CSMD1: variants seen among roughly 807,000 people sequenced by gnomAD.
CSMD1 encodes CUB and Sushi multiple domains 1, also known as CUB and sushi domain-containing protein 1.
In CSMD1, 213 loss-of-function variants were observed where a neutral mutation model predicts 417.5. That is an observed-to-expected ratio of 0.51 (90% CI 0.46 to 0.57). The LOEUF (loss-of-function observed/expected upper bound fraction) is 0.57. CSMD1 is among the 20% of genes least tolerant of loss of function. The pLI is 0.00. For synonymous variants in CSMD1, 2,862 were observed against 1,736.8 expected (o/e 1.65, Z -16.11); for missense variants, 6,923 against 4,529.7 (o/e 1.53, Z -15.17).
chr8:4,728,394 G>A (rs1809615270), intron 1 of CSMD1, among the ~76,000 whole-genome samples: 1 of 151,964 alleles, frequency 6.6e-6, no homozygotes, highest in South Asian at 2.1e-4. Flanking sequence ...ATTTAGGGGA[G>A]TTTAGTTTGG....
chr8:4,070,565 G>C (rs868702410), intron 3 of CSMD1, among the ~76,000 whole-genome samples: 7 of 152,048 alleles, frequency 4.6e-5, no homozygotes, highest in African/African-American at 1.7e-4. Flanking sequence ...CACCGTGTTA[G>C]CCAGGATGGT....
At chr8:3,327,239 T>A (rs1198672536) in intron 23 of CSMD1, among the ~76,000 whole-genome samples, 1 of 151,946 alleles carries the variant, frequency 6.6e-6, no homozygotes, top group Non-Finnish European at 1.5e-5. Flanking sequence ...GCCTCCCAGG[T>A]TCACGCCATT....
At chr8:3,113,787 G>A (rs1172227618) in intron 42 of CSMD1, among the ~76,000 whole-genome samples, 1 of 152,210 alleles carries the variant, frequency 6.6e-6, no homozygotes, top group African/African-American at 2.4e-5. Context: ...TCAACTGGGG[G>A]GTTGGCACAC....
At chr8:3,647,247 T>G (rs761312970) in intron 7 of CSMD1, among the ~76,000 whole-genome samples, 1 of 152,130 alleles carries the variant, frequency 6.6e-6, no homozygotes, top group Non-Finnish European at 1.5e-5. Context: ...AAGGGATGAG[T>G]AACAACTCAG....
At chr8:4,796,163 T>C (rs980289636) in intron 1 of CSMD1, among the ~76,000 whole-genome samples, 2 of 151,646 alleles carry the variant, frequency 1.3e-5, no homozygotes, top group African/African-American at 4.8e-5. Flanking sequence ...TCAAGGTGGT[T>C]TCGACAATGA....
chr8:2,980,500 CCTT>C (rs930198853), intron 54 of CSMD1, among the ~76,000 whole-genome samples: 12 of 152,094 alleles, frequency 7.9e-5, no homozygotes, highest in Non-Finnish European at 1.8e-4. Context: ...TTCTCCTCCT[CCTT>C]ATCATTTTCA....
intron 2 of CSMD1, among the ~76,000 whole-genome samples, chr8:4,446,890 G>C (rs376999410): frequency 2.4e-3 from 365 of 151,446 alleles, no homozygotes; most frequent in African/African-American, 8.6e-3. Context: ...CAATGTTCTG[G>C]GATTACAGGC....
intron 54 of CSMD1, among the ~76,000 whole-genome samples, chr8:2,992,024 A>G (rs1471044788): frequency 6.6e-6 from 1 of 152,224 alleles, no homozygotes; most frequent in Non-Finnish European, 1.5e-5. Flanking sequence ...ATGAGAAACA[A>G]CCAGCTTCTT....
chr8:3,225,085 C>G (rs772033207), intron 27 of CSMD1, among the ~76,000 whole-genome samples: 1 of 152,088 alleles, frequency 6.6e-6, no homozygotes, highest in South Asian at 2.1e-4. Flanking sequence ...GATTTTTCCC[C>G]TATACAAAAA....
chr8:4,811,828 A>AT (rs957485992), intron 1 of CSMD1, among the ~76,000 whole-genome samples: 81 of 152,026 alleles, frequency 5.3e-4, no homozygotes, highest in South Asian at 1.2e-3. Context: ...AAAAGATGTG[A>AT]TTTTTTTTCT....
chr8:3,623,509 C>G (rs556323147), intron 7 of CSMD1, among the ~76,000 whole-genome samples: 2 of 152,218 alleles, frequency 1.3e-5, no homozygotes, highest in Admixed American at 6.5e-5. Flanking sequence ...GAATTAATTA[C>G]AAATGAAGCG....
chr8:4,028,517 AT>A (rs1797180164), intron 4 of CSMD1, among the ~76,000 whole-genome samples: 1 of 152,276 alleles, frequency 6.6e-6, no homozygotes, highest in Middle Eastern at 3.4e-3. Flanking sequence ...GGAAAAAAAA[AT>A]AGGCAAATAT....
At chr8:4,772,319 G>A (rs113041143) in intron 1 of CSMD1, among the ~76,000 whole-genome samples, 21 of 152,096 alleles carry the variant, frequency 1.4e-4, no homozygotes, top group Non-Finnish European at 2.8e-4. Flanking sequence ...TCATCTTTAC[G>A]CATCTTCTAT....
chr8:3,508,713 A>G (rs73503603), intron 10 of CSMD1, among the ~76,000 whole-genome samples: 29,908 of 152,008 alleles, frequency 0.2, 3,164 homozygotes, highest in East Asian at 0.26. Context: ...TTATGTCATG[A>G]ATATTTTAAA....
At chr8:3,820,067 A>C (rs775195564) in intron 5 of CSMD1, among the ~76,000 whole-genome samples, 2 of 152,158 alleles carry the variant, frequency 1.3e-5, no homozygotes, top group Non-Finnish European at 2.9e-5. Flanking sequence ...ATTTCCACTT[A>C]AGACGCTCAG....
At chr8:3,889,715 A>G (rs1212534882) in intron 5 of CSMD1, among the ~76,000 whole-genome samples, 1 of 151,726 alleles carries the variant, frequency 6.6e-6, no homozygotes, top group Non-Finnish European at 1.5e-5. Flanking sequence ...AAATTGAGCT[A>G]TGGATTTTGT....
chr8:4,086,182 A>C (rs1304738063), intron 3 of CSMD1, among the ~76,000 whole-genome samples: 1 of 152,210 alleles, frequency 6.6e-6, no homozygotes, highest in Non-Finnish European at 1.5e-5. Flanking sequence ...TAATTTACTC[A>C]ATAATAAAAC....
At chr8:3,958,388 C>T (rs1465394683) in intron 5 of CSMD1, among the ~76,000 whole-genome samples, 1 of 149,398 alleles carries the variant, frequency 6.7e-6, no homozygotes, top group African/African-American at 2.5e-5. Context: ...CTCTAGGAAA[C>T]CAAAAAGGAG....
At chr8:3,505,014 TTA>T (rs1491448566) in intron 10 of CSMD1, among the ~76,000 whole-genome samples, 2 of 64,568 alleles carry the variant, frequency 3.1e-5, no homozygotes, top group Non-Finnish European at 5.6e-5. Context: ...GGAGAAACAG[TTA>T]AAAAAAAAAA....
Sources: allele counts gnomAD v4.1 joint callset (sites outside exome capture counted in the v4.1 genomes callset), GRCh38; gene constraint gnomAD v4.1.1; transcripts MANE v1.5; gene names NCBI Gene and HGNC (gene_info 2026-07-23, HGNC 2026-07-21).